Variants in PLEKHA6 observed in about 807,000 individuals in gnomAD.
PLEKHA6 encodes pleckstrin homology domain-containing family A member 6.
PLEKHA6 carries 60 observed loss-of-function variants against 116.7 expected under a neutral mutation model. That is an observed-to-expected ratio of 0.51 (90% CI 0.42 to 0.64). PLEKHA6 has a LOEUF of 0.64. Among genes scored for constraint, PLEKHA6 ranks in the 30% least tolerant of loss-of-function variants. The pLI, the probability that PLEKHA6 is intolerant of heterozygous loss-of-function variation, is 0.00. For missense variants in PLEKHA6, 1,338 were observed against 1,422.7 expected (o/e 0.94, Z 0.96); for synonymous variants, 489 against 556.1 (o/e 0.88, Z 1.70).
chr1:204,370,041 C>A (rs1414989754), intron 2 of PLEKHA6, among the ~76,000 whole-genome samples: 1 of 152,226 alleles, frequency 6.6e-6, no homozygotes, highest in East Asian at 1.9e-4. Flanking sequence ...AAGAATTAAA[C>A]CCCTAGTGCA....
chr1:204,370,359 G>A (rs529057063), intron 2 of PLEKHA6, among the ~76,000 whole-genome samples: 39 of 152,238 alleles, frequency 2.6e-4, no homozygotes, highest in Non-Finnish European at 8.8e-5. Flanking sequence ...GGAACCAGGC[G>A]CCTAGTGTCC....
chr1:204,308,487 T>C (rs1372864848), intron 1 of PLEKHA6, among the ~76,000 whole-genome samples: 1 of 151,696 alleles, frequency 6.6e-6, no homozygotes, highest in Non-Finnish European at 1.5e-5. Context: ...GACCACTGAT[T>C]GCAAGAAAAA....
chr1:204,325,858 G>T, intron 1 of PLEKHA6: 1 of 972,604 alleles, frequency 1.0e-6, no homozygotes, highest in South Asian at 4.8e-5. Flanking sequence ...AACAAGGGGT[G>T]GAAGGGCAGC....
intron 1 of PLEKHA6, chr1:204,301,171 T>C: frequency 1.1e-5 from 9 of 852,152 alleles, no homozygotes; most frequent in Non-Finnish European, 1.3e-5. Context: ...TTTCAGATAA[T>C]GAAGTATAGA....
chr1:204,247,057 G>A (rs954320086), intron 13 of PLEKHA6, among the ~76,000 whole-genome samples: 22 of 152,138 alleles, frequency 1.4e-4, no homozygotes, highest in African/African-American at 4.8e-4. Flanking sequence ...GATTGCTTGA[G>A]CCCGGGGCAG....
intron 1 of PLEKHA6, chr1:204,275,666 T>C: frequency 4.1e-6 from 4 of 981,294 alleles, no homozygotes; most frequent in Non-Finnish European, 4.8e-6. Flanking sequence ...TCAGGGGAGA[T>C]GGGGAGGAAG....
chr1:204,370,382 C>T (rs976314499), intron 2 of PLEKHA6, among the ~76,000 whole-genome samples: 14 of 152,322 alleles, frequency 9.2e-5, no homozygotes, highest in South Asian at 8.3e-4. Context: ...TCCGGTGAAG[C>T]GCTGGAAGGC....
At chr1:204,306,433 T>C (rs888070881) in intron 1 of PLEKHA6, among the ~76,000 whole-genome samples, 3 of 152,092 alleles carry the variant, frequency 2.0e-5, no homozygotes, top group African/African-American at 7.2e-5. Context: ...CTCGCCCAAA[T>C]TTCTGCTTTC....
intron 1 of PLEKHA6, among the ~76,000 whole-genome samples, chr1:204,375,306 C>A (rs1372760264): frequency 6.6e-6 from 1 of 152,156 alleles, no homozygotes; most frequent in Non-Finnish European, 1.5e-5. Context: ...GGAACCTCAA[C>A]TGCAGTGTTT....
intron 1 of PLEKHA6, among the ~76,000 whole-genome samples, chr1:204,328,908 G>A (rs1672348111): frequency 6.6e-6 from 1 of 152,220 alleles, no homozygotes. Context: ...AAACTAATGT[G>A]GAGAGAAGTT....
At chr1:204,301,362 G>A in intron 1 of PLEKHA6, 2 of 969,082 alleles carry the variant, frequency 2.1e-6, no homozygotes, top group Non-Finnish European at 2.5e-6. Context: ...TGGGACAGGG[G>A]AGAGGATTCA....
intron 15 of PLEKHA6, chr1:204,243,268 G>A (rs1296054280): frequency 7.5e-6 from 3 of 399,846 alleles, no homozygotes; most frequent in Non-Finnish European, 1.3e-5. Flanking sequence ...AGGTTCCTGA[G>A]GCAGACAGAA....
At chr1:204,301,677 G>A (rs1026323497) in intron 1 of PLEKHA6, among the ~76,000 whole-genome samples, 1 of 152,176 alleles carries the variant, frequency 6.6e-6, no homozygotes, top group African/African-American at 2.4e-5. Flanking sequence ...CCAATTGTGA[G>A]GGGGATGATG....
chr1:204,360,742 C>T (rs1365654375), upstream of PLEKHA6, among the ~76,000 whole-genome samples: 1 of 152,094 alleles, frequency 6.6e-6, no homozygotes, highest in African/African-American at 2.4e-5. Context: ...TTCTCTAGCT[C>T]CTGCCCAAAT....
Position 204,228,812 on chromosome 1 carries a change from T to G in PLEKHA6, c.2801A>C (p.Glu934Ala). 1 of 1,614,036 alleles carries G rather than the reference T, an allele frequency of 6.2e-7. No homozygotes were observed. The highest frequency in any genetic ancestry group is 8.5e-7 in the Non-Finnish European group (1 of 1,179,974). ...VLIPERYIDL[E>A]PDTPLSPEEL... is the part of the protein sequence containing the mutation. ...CTCAGGGCTCAGGGGAGTGTCAGGC[T>G]CCAGGTCAATGTACCGTTCAGGGAT... Residue 934 changes from glutamate (E) to alanine (A), a missense_variant, in exon 20 of 23, where the codon GAG becomes GCG. By Grantham distance (107) the Glu-to-Ala change is moderately radical. Coordinates refer to ENST00000272203, the MANE Select transcript of PLEKHA6 (RefSeq NM_014935.5). The surrounding 1 kb of genome is among the most constrained non-coding windows in gnomAD (Gnocchi z 4.0).
At chr1:204,234,354 C>T (rs1467839839) in intron 17 of PLEKHA6, among the ~76,000 whole-genome samples, 1 of 152,152 alleles carries the variant, frequency 6.6e-6, no homozygotes, top group Non-Finnish European at 1.5e-5. Context: ...TGATTTTGGA[C>T]TTCTAGCCTC....
intron 9 of PLEKHA6, among the ~76,000 whole-genome samples, chr1:204,250,899 C>G (rs1407447067): frequency 1.3e-5 from 2 of 152,202 alleles, no homozygotes; most frequent in African/African-American, 4.8e-5. Context: ...GGGTCAGCTG[C>G]TAAGAGCGAC....
intron 1 of PLEKHA6, among the ~76,000 whole-genome samples, chr1:204,286,100 T>C (rs572857032): frequency 7.7e-6 from 1 of 129,954 alleles, no homozygotes; most frequent in East Asian, 2.7e-4. Context: ...CTGGATCCTA[T>C]GGAAATCACA....
intron 1 of PLEKHA6, chr1:204,276,960 T>C (rs1668078805): frequency 6.6e-6 from 1 of 152,644 alleles, no homozygotes; most frequent in Admixed American, 6.5e-5. Context: ...TTGCTCTGAC[T>C]TGACTTGGCT....
Sources: gnomAD v4.1 joint callset for allele counts (sites outside exome capture counted in the v4.1 genomes callset) on GRCh38, gnomAD v4.1.1 for gene constraint, Gnocchi (gnomAD v3.1) non-coding constraint, MANE v1.5 for transcripts, NCBI Gene and HGNC (gene_info 2026-07-23, HGNC 2026-07-21) for gene names.